The following CLIP1 variants were observed in gnomAD, a reference collection of about 807,000 sequenced individuals.
CLIP1 encodes the protein CAP-Gly domain-containing linker protein 1.
CLIP1 carries 66 observed loss-of-function variants against 161.6 expected under a neutral mutation model. That is an observed-to-expected ratio of 0.41 (90% CI 0.33 to 0.50). The LOEUF (loss-of-function observed/expected upper bound fraction) is 0.50, where lower values mean the gene tolerates loss of function less well. Among genes scored for constraint, CLIP1 ranks in the 20% least tolerant of loss-of-function variants. The pLI, the probability that CLIP1 is intolerant of heterozygous loss-of-function variation, is 0.27. For synonymous variants in CLIP1, 598 were observed against 626.2 expected (o/e 0.96, Z 0.67); for missense variants, 1,376 against 1,702.0 (o/e 0.81, Z 3.37).
In CLIP1 at chr12:122,377,666, T is replaced by C; in HGVS notation, c.380A>G (p.Lys127Arg). 1 of 1,613,714 alleles carries C rather than the reference T, an allele frequency of 6.2e-7. No individual in the cohort carries two copies. The highest frequency in any genetic ancestry group is 8.5e-7 in the Non-Finnish European group (1 of 1,179,958). The change falls in exon 3 of 26, where the codon AAG becomes AGG. Residue 127 changes from lysine to arginine, a missense_variant. Lys to Arg is a conservative substitution (Grantham distance 26). Coordinates refer to ENST00000620786, the MANE Select transcript of CLIP1 (RefSeq NM_001247997.2). Reference protein sequence around the residue: ...IFTRPSKLTRKVQAEDEANGL... With the variant: ...IFTRPSKLTRRVQAEDEANGL... ...ATTAGCTTCATCTTCTGCTTGCACCTTCCTTGTTAACTTTGAAGGTCGGGT... is the reference window on the plus strand; with the variant it reads ...ATTAGCTTCATCTTCTGCTTGCACCCTCCTTGTTAACTTTGAAGGTCGGGT...
chr12:122,314,825 C>T (rs1347082065), intron 19 of CLIP1, among the ~76,000 whole-genome samples: 1 of 152,220 alleles, frequency 6.6e-6, no homozygotes, highest in East Asian at 1.9e-4. Flanking sequence ...TGTCACATTA[C>T]AACAAATGAC....
chr12:122,375,641 A>G (rs988382799), intron 3 of CLIP1, among the ~76,000 whole-genome samples: 1 of 152,072 alleles, frequency 6.6e-6, no homozygotes, highest in African/African-American at 2.4e-5. Flanking sequence ...CTTGAGTAAC[A>G]TCCTCTGATG....
intron 21 of CLIP1, among the ~76,000 whole-genome samples, chr12:122,286,997 C>CA (rs1005574887): frequency 2.0e-5 from 3 of 151,836 alleles, no homozygotes; most frequent in African/African-American, 7.3e-5. Context: ...GAGTCTGCCT[C>CA]AAAAAACAAA....
intron 11 of CLIP1, among the ~76,000 whole-genome samples, chr12:122,339,960 T>C (rs568801112): frequency 3.3e-4 from 50 of 152,306 alleles, no homozygotes; most frequent in African/African-American, 1.2e-3. Context: ...AAGGTAAAGA[T>C]ACCATATTAC....
At position 122,286,183 on chromosome 12, in the gene CLIP1, T is replaced by C. The variant is rs139869184; in HGVS notation, c.3647+2306A>G. 7.9e-3 allele frequency among the ~76,000 whole-genome samples: 1,205 copies of C among 152,218 alleles called. 13 individuals carry two copies. Among genetic ancestry groups the C allele is most frequent in the Non-Finnish European group, 0.011 (743 of 68,004 alleles). On this transcript the variant is annotated intron_variant, in intron 21 of 25. Transcript: ENST00000620786. The stretch of plus-strand genomic sequence containing the variant: ...CACCCACTAAACCTGCTTGGCACCG[T>C]GTAAAGCACAGACATTCTCTAAATA...
At position 122,340,997 on chromosome 12, in the gene CLIP1, T is replaced by G. The variant is rs1185778912; in HGVS notation, c.2207A>C (p.Gln736Pro). Residue 736 changes from glutamine to proline, a missense_variant, in exon 11 of 26, where the codon CAG becomes CCG. Physicochemically the swap from Gln to Pro is moderately conservative, Grantham distance 76. Around this residue, in one of 6 missense-constraint regions of CLIP1, gnomAD observed 948 missense variants for 1,134.8 expected, o/e 0.84. Transcript: ENST00000620786. The part of the protein sequence containing the change: ...VEMEDTLNKL[Q>P]EAEIKVKELE... ...CTCCTTTACCTTTATTTCAGCTTCC[T>G]GTAATTTGTTTAACGTGTCTTCCAT... is the stretch of plus-strand genomic sequence containing the variant. The G allele has an allele frequency of 6.2e-7, 1 of 1,614,244 alleles. No individual in the cohort carries two copies. Among genetic ancestry groups the G allele is most frequent in the Non-Finnish European group, 8.5e-7 (1 of 1,180,048 alleles).
At chr12:122,378,391 T>C (rs926015095) in intron 2 of CLIP1, among the ~76,000 whole-genome samples, 8 of 152,086 alleles carry the variant, frequency 5.3e-5, no homozygotes, top group Non-Finnish European at 1.0e-4. Flanking sequence ...CTCACCAAAG[T>C]GTTTTTGTTT....
At chr12:122,296,396 T>C (rs942866525) in intron 20 of CLIP1, among the ~76,000 whole-genome samples, 1 of 152,176 alleles carries the variant, frequency 6.6e-6, no homozygotes, top group Non-Finnish European at 1.5e-5. Flanking sequence ...GTTGGAGTAA[T>C]ATGTACAATA....
At position 122,412,869 on chromosome 12, in the gene CLIP1, T is replaced by C. The variant is rs190631797; in HGVS notation, c.-107+9652A>G. On this transcript the variant is annotated intron_variant, in intron 1 of 25. Coordinates refer to ENST00000620786, the MANE Select transcript of CLIP1 (RefSeq NM_001247997.2). ...TAATACATAAAGAAAAAAATAAACCTGAGACCCTAAAAAAAACTTCACTGG... is the reference window on the plus strand; with the variant it reads ...TAATACATAAAGAAAAAAATAAACCCGAGACCCTAAAAAAAACTTCACTGG... Among the ~76,000 whole-genome samples the C allele has an allele frequency of 2.8e-3, 422 of 152,232 alleles. 2 individuals are homozygous for C. Among genetic ancestry groups the C allele is most frequent in the Admixed American group, 8.4e-3 (128 of 15,258 alleles).
At chr12:122,273,650 T>TG (rs34632615) in intron 25 of CLIP1, among the ~76,000 whole-genome samples, 1 of 89,924 alleles carries the variant, frequency 1.1e-5, no homozygotes, top group Admixed American at 1.1e-4. Flanking sequence ...AAAACATTTG[T>TG]TTTTTTTTGT....
intron 21 of CLIP1, among the ~76,000 whole-genome samples, chr12:122,282,029 C>G (rs1052400265): frequency 2.0e-5 from 3 of 152,126 alleles, no homozygotes; most frequent in Non-Finnish European, 4.4e-5. Flanking sequence ...ACAAACTCTG[C>G]TCATCATCAC....
Position 122,361,065 on chromosome 12 carries a change from A to G in CLIP1, c.899T>C (p.Met300Thr), listed in dbSNP as rs759886553. 9.9e-6 allele frequency: 16 copies of G among 1,614,156 alleles called. No individual in the cohort carries two copies. The highest frequency in any genetic ancestry group is 1.7e-6 in the Non-Finnish European group (2 of 1,180,058). ...KAKANAVRRV[M>T]ATTSASLKRS... is the part of the protein sequence containing the mutation. ...CTTCAGGCTGGCGGACGTGGTCGCCATCACTCGCCTCACTGCGTTGGCCTT... is the reference window on the plus strand; with the variant it reads ...CTTCAGGCTGGCGGACGTGGTCGCCGTCACTCGCCTCACTGCGTTGGCCTT... The change falls in exon 5 of 26, where the codon ATG (methionine) becomes ACG (threonine). Residue 300 changes from methionine to threonine, a missense_variant. This residue lies in a region of CLIP1 where 211 missense variants were observed against 295.1 expected (regional missense o/e 0.72). Transcript: ENST00000620786.
intron 19 of CLIP1, among the ~76,000 whole-genome samples, chr12:122,312,913 A>T (rs1401459977): frequency 2.6e-5 from 4 of 152,204 alleles, no homozygotes; most frequent in Non-Finnish European, 5.9e-5. Flanking sequence ...GCAGCTGCTC[A>T]TTCTCCAGCT....
In CLIP1 at chr12:122,333,097, C is replaced by A; in HGVS notation, c.2757G>T (p.Leu919=). 1 of 1,613,512 alleles carries A rather than the reference C, an allele frequency of 6.2e-7. No individual in the cohort carries two copies. The highest frequency in any genetic ancestry group is 8.5e-7 in the Non-Finnish European group (1 of 1,179,658). ...FREKDEREEQ[L]IKAKEKLEND... ...TTTCCAGTTTTTCCTTTGCCTTTAT[C>A]AGCTGCTCTTCTCTCTCATCTTTCT... Residue 919 remains leucine, a synonymous_variant, in exon 15 of 26, where the codon CTG becomes CTT. Transcript: ENST00000620786.
chr12:122,328,790 C>G (rs1336185266), intron 15 of CLIP1, among the ~76,000 whole-genome samples: 1 of 152,152 alleles, frequency 6.6e-6, no homozygotes, highest in Non-Finnish European at 1.5e-5. Flanking sequence ...ACCGTGTTAG[C>G]CAGGATGGTC....
chr12:122,333,197 T>C (rs1220213924), intron 14 of CLIP1, 54 bp from the exon 15 acceptor site: 3 of 1,309,356 alleles, frequency 2.3e-6, no homozygotes, highest in Non-Finnish European at 3.2e-6. Flanking sequence ...CAACAAAAAC[T>C]GACTGAGTGT....
chr12:122,328,411 T>C lies in CLIP1; in HGVS notation c.2883A>G (p.Leu961=), dbSNP rs761080639. 2 of 1,597,380 alleles carry C rather than the reference T, an allele frequency of 1.3e-6. No homozygotes were observed. The highest frequency in any genetic ancestry group is 1.7e-6 in the Non-Finnish European group (2 of 1,173,832). ...LRLKERDVEE[L]QLKLTKANEN... The stretch of plus-strand genomic sequence containing the variant: ...CATTAGCCTTTGTAAGTTTTAGCTG[T>C]AATTCTTCTACATCTCTAGAAAAAG... Residue 961 remains leucine (L), a synonymous_variant, in exon 16 of 26, where the codon TTA becomes TTG. Coordinates refer to ENST00000620786, the MANE Select transcript of CLIP1 (RefSeq NM_001247997.2).
chr12:122,343,790 G>A (rs1952619367), intron 10 of CLIP1: 1 of 152,182 alleles, frequency 6.6e-6, no homozygotes. Context: ...TCTGCTACCT[G>A]CTATGCAGTC....
At position 122,343,760 on chromosome 12, in the gene CLIP1, T is replaced by C. The variant is rs1952618435; in HGVS notation, c.1507-2063A>G. On this transcript the variant is annotated intron_variant, in intron 10 of 25. Coordinates refer to ENST00000620786, the MANE Select transcript of CLIP1 (RefSeq NM_001247997.2). ...CACTTTCTTAACCTGTGCCCTTTCA[T>C]TGCTAGAAAATTACTTCCCTCTGCT... The C allele has an allele frequency of 1.3e-5, 2 of 152,252 alleles. 1 individual carries two copies. The highest frequency in any genetic ancestry group is 2.9e-5 in the Non-Finnish European group (2 of 68,052). 9.4% of individuals were successfully genotyped at this position (152,252 alleles called of 1,614,324 possible).
Sources: gnomAD v4.1 joint callset for allele counts (sites outside exome capture counted in the v4.1 genomes callset) on GRCh38, gnomAD v4.1.1 for gene constraint, gnomAD v4.1.1 regional missense constraint, MANE v1.5 for transcripts, NCBI Gene and HGNC (gene_info 2026-07-23, HGNC 2026-07-21) for gene names.